Variants in EYS observed in about 807,000 individuals in gnomAD.
The protein encoded by EYS is protein eyes shut homolog.
In EYS, 250 loss-of-function variants were observed where a neutral mutation model predicts 282.1. The ratio of observed to expected loss-of-function variants is 0.89; its 90% CI spans 0.80 to 0.98. EYS has a LOEUF of 0.98. Among genes scored for constraint, EYS ranks in the 50% least tolerant of loss-of-function variants. The pLI is 0.00. For synonymous variants in EYS, 1,355 were observed against 1,282.9 expected, an observed-to-expected ratio of 1.06 and a Z score of -1.20; for missense variants, 4,016 against 3,709.0, an observed-to-expected ratio of 1.08 and a Z score of -2.15.
intron 19 of EYS, among the ~76,000 whole-genome samples, chr6:64,842,119 A>T (rs1196538362): frequency 6.6e-6 from 1 of 152,036 alleles, no homozygotes; most frequent in African/African-American, 2.4e-5. Flanking sequence ...ACTAACATAC[A>T]GGGCATTAAT....
chr6:65,655,437 T>C (rs984464272), intron 1 of EYS, among the ~76,000 whole-genome samples: 1 of 151,706 alleles, frequency 6.6e-6, no homozygotes, highest in African/African-American at 2.4e-5. Flanking sequence ...ATAGTATATA[T>C]ACCAATTATA....
In EYS at chr6:64,812,854, A is replaced by G. The variant is rs73768422; in HGVS notation, c.3443+524T>C. On this transcript the variant is annotated intron_variant, in intron 22 of 42. Coordinates refer to ENST00000503581, the MANE Select transcript of EYS (RefSeq NM_001142800.2). ...TGGATATATTATATAATCAGAAATAACAAAGGAAAAAAATTCATCTCCTAA... is the reference window on the plus strand; with the variant it reads ...TGGATATATTATATAATCAGAAATAGCAAAGGAAAAAAATTCATCTCCTAA... Among the ~76,000 whole-genome samples the G allele has an allele frequency of 9.4e-3, 1,426 of 152,122 alleles. 22 individuals are homozygous for G. The highest frequency in any genetic ancestry group is 0.033 in the African/African-American group (1,357 of 41,550).
intron 29 of EYS, among the ~76,000 whole-genome samples, chr6:64,323,633 G>A (rs934726717): frequency 2.0e-5 from 3 of 152,080 alleles, no homozygotes; most frequent in African/African-American, 7.2e-5. Context: ...TTTTGAGGAG[G>A]GAGCTAGTAG....
chr6:65,342,146 A>G (rs1284489446), intron 10 of EYS, among the ~76,000 whole-genome samples: 1 of 151,156 alleles, frequency 6.6e-6, no homozygotes, highest in Non-Finnish European at 1.5e-5. Context: ...ATATTAGTAC[A>G]TATGTATTTA....
At chr6:63,891,970 A>G (rs750158705) in intron 35 of EYS, among the ~76,000 whole-genome samples, 16 of 152,210 alleles carry the variant, frequency 1.1e-4, no homozygotes, top group Admixed American at 1.0e-3. Flanking sequence ...GAGCAAACTC[A>G]CATTTACAAT....
intron 1 of EYS, among the ~76,000 whole-genome samples, chr6:65,689,028 A>G (rs370935068): frequency 1.3e-5 from 2 of 150,688 alleles, no homozygotes; most frequent in Non-Finnish European, 2.9e-5. Flanking sequence ...TACTGGGTAT[A>G]TACCCAAAGG....
intron 5 of EYS, among the ~76,000 whole-genome samples, chr6:65,412,198 C>T (rs1454949795): frequency 6.6e-6 from 1 of 152,108 alleles, no homozygotes; most frequent in East Asian, 1.9e-4. Flanking sequence ...AGACCTTGAT[C>T]TCTATTGCCC....
intron 28 of EYS, among the ~76,000 whole-genome samples, chr6:64,412,461 G>A (rs937165192): frequency 2.6e-5 from 4 of 152,074 alleles, no homozygotes; most frequent in Non-Finnish European, 5.9e-5. Context: ...AATTATATCA[G>A]ATGAATATTG....
intron 1 of EYS, among the ~76,000 whole-genome samples, chr6:65,674,609 C>G (rs898581161): frequency 1.3e-5 from 2 of 151,606 alleles, no homozygotes; most frequent in Admixed American, 1.3e-4. Flanking sequence ...AATAAAATTG[C>G]CAACCAAGAT....
At chr6:64,192,863 A>G (rs192970631) in intron 31 of EYS, among the ~76,000 whole-genome samples, 9 of 152,290 alleles carry the variant, frequency 5.9e-5, no homozygotes, top group African/African-American at 2.2e-4. Flanking sequence ...GCCCTTGCAT[A>G]ATTTGTTAAA....
At chr6:64,723,077 A>G (rs1771635609) in intron 22 of EYS, among the ~76,000 whole-genome samples, 1 of 89,802 alleles carries the variant, frequency 1.1e-5, no homozygotes. Flanking sequence ...GGGGAAAGAA[A>G]GGCCCTAAGG....
At chr6:64,894,876 G>A (rs912849766) in intron 18 of EYS, among the ~76,000 whole-genome samples, 1 of 150,624 alleles carries the variant, frequency 6.6e-6, no homozygotes, top group Admixed American at 6.6e-5. Context: ...CTTTGATTTT[G>A]TTTTTTTTTA....
intron 29 of EYS, among the ~76,000 whole-genome samples, chr6:64,344,288 C>T (rs1392373558): frequency 1.3e-5 from 2 of 152,060 alleles, no homozygotes; most frequent in Admixed American, 1.3e-4. Flanking sequence ...CCTTGATGAA[C>T]ATTGATGCAA....
intron 1 of EYS, among the ~76,000 whole-genome samples, chr6:65,656,140 C>T (rs547232630): frequency 1.3e-5 from 2 of 151,950 alleles, no homozygotes; most frequent in Non-Finnish European, 2.9e-5. Flanking sequence ...ATTCTGACTG[C>T]TCCACCCACT....
intron 37 of EYS, 31 bp from the exon 38 acceptor site, chr6:63,789,255 A>G (rs1770447897): frequency 6.5e-7 from 1 of 1,540,268 alleles, no homozygotes; most frequent in Non-Finnish European, 8.8e-7. Context: ...GGGAATGCTC[A>G]CTGAGAGGAA....
intron 31 of EYS, among the ~76,000 whole-genome samples, chr6:64,167,758 T>C (rs1034299266): frequency 6.6e-6 from 1 of 151,364 alleles, no homozygotes; most frequent in Non-Finnish European, 1.5e-5. Context: ...TATTTGCAAA[T>C]TTTACATTAA....
chr6:64,381,146 C>G, intron 29 of EYS, among the ~76,000 whole-genome samples: 1 of 151,872 alleles, frequency 6.6e-6, no homozygotes, highest in Non-Finnish European at 1.5e-5. Flanking sequence ...AATGAACACG[C>G]ATGTTCTTTT....
chr6:64,468,833 C>A (rs1489384943), intron 26 of EYS, among the ~76,000 whole-genome samples: 2 of 152,116 alleles, frequency 1.3e-5, no homozygotes, highest in Non-Finnish European at 2.9e-5. Flanking sequence ...AAGGACATTA[C>A]CTCATTTTTT....
intron 22 of EYS, among the ~76,000 whole-genome samples, chr6:64,759,904 A>T (rs940708688): frequency 6.6e-6 from 1 of 152,212 alleles, no homozygotes; most frequent in African/African-American, 2.4e-5. Context: ...AATGCTATAA[A>T]AATGGTCAAA....
Sources: allele counts gnomAD v4.1 joint callset (sites outside exome capture counted in the v4.1 genomes callset), GRCh38; gene constraint gnomAD v4.1.1; transcripts MANE v1.5; gene names NCBI Gene and HGNC (gene_info 2026-07-23, HGNC 2026-07-21).